The following WDR7 variants were observed in gnomAD, a reference collection of about 807,000 sequenced individuals.
The protein encoded by WDR7 is WD repeat domain 7.
Under a neutral mutation model 169.4 loss-of-function variants are expected in WDR7, and 46 were observed. The observed-to-expected ratio is 0.27, with a 90% CI of 0.21 to 0.35. The LOEUF (loss-of-function observed/expected upper bound fraction) is 0.35. Among genes scored for constraint, WDR7 ranks in the 10% least tolerant of loss-of-function variants. The pLI is 1.00. For missense variants in WDR7, 1,534 were observed against 1,859.3 expected (o/e 0.83, Z 3.22); for synonymous variants, 612 against 666.8 (o/e 0.92, Z 1.27).
chr18:56,787,128 T>G (rs2044413162), intron 19 of WDR7, among the ~76,000 whole-genome samples: 1 of 152,128 alleles, frequency 6.6e-6, no homozygotes, highest in African/African-American at 2.4e-5. Flanking sequence ...TTTTGAGAAT[T>G]GACTTTTTTA....
rs75038705 is a variant in WDR7 at position 57,014,332 on chromosome 18, C to A, written c.4165-6413C>A. On this transcript the variant is annotated intron_variant, in intron 26 of 27. Transcript: ENST00000254442. Reference sequence around the variant, plus strand: ...TAGGTGACAGAGTAAGACTCCATCTCAAAAAAAAAAAAAAGAAGAAAAGGA... The same window carrying A: ...TAGGTGACAGAGTAAGACTCCATCTAAAAAAAAAAAAAAAGAAGAAAAGGA... Among the ~76,000 whole-genome samples, 622 of 133,262 alleles carry A rather than the reference C, an allele frequency of 4.7e-3. 4 individuals are homozygous for A. The highest frequency in any genetic ancestry group is 0.016 in the African/African-American group (563 of 34,628). 87.4% of individuals were successfully genotyped at this position (133,262 alleles called of 152,430 possible). A position where few individuals can be genotyped will look rare whatever the true frequency, so the allele number is the denominator to read the frequency against.
In WDR7 at chr18:56,691,315, A is replaced by G; in HGVS notation, c.817A>G (p.Ile273Val). The G allele has an allele frequency of 1.9e-6, 3 of 1,602,748 alleles. No homozygotes were observed. The highest frequency in any genetic ancestry group is 1.3e-5 in the African/African-American group (1 of 74,264). The change falls in exon 8 of 28, where the codon ATT becomes GTT. Residue 273 changes from isoleucine (I) to valine (V), a missense_variant. Ile to Val is a conservative substitution (Grantham distance 29). Transcript: ENST00000254442. Reference protein sequence around the residue: ...GDFVSSDKVIIWTENGQSYIY... With the variant: ...GDFVSSDKVIVWTENGQSYIY... ...CTTTGTCTCATCAGATAAAGTCATC[A>G]TTTGGACAGAAAATGGGCAAAGTTA...
intron 12 of WDR7, among the ~76,000 whole-genome samples, chr18:56,704,380 A>C (rs201090628): frequency 4.0e-5 from 1 of 25,056 alleles, no homozygotes; most frequent in Non-Finnish European, 5.7e-4. Flanking sequence ...CTATCAAAAA[A>C]GAAAAAAAAA....
chr18:56,659,387 A>C (rs796371116), intron 1 of WDR7, among the ~76,000 whole-genome samples: 2 of 152,206 alleles, frequency 1.3e-5, no homozygotes, highest in African/African-American at 4.8e-5. Context: ...TTATTTATTC[A>C]AGTATTTGGA....
chr18:56,959,151 T>C (rs2047300185), intron 25 of WDR7, among the ~76,000 whole-genome samples: 1 of 152,002 alleles, frequency 6.6e-6, no homozygotes, highest in Admixed American at 6.6e-5. Context: ...GCAATGGCAG[T>C]TAACAGGCTG....
intron 19 of WDR7, among the ~76,000 whole-genome samples, chr18:56,793,909 G>A (rs1014391477): frequency 2.0e-5 from 3 of 152,058 alleles, no homozygotes; most frequent in Non-Finnish European, 4.4e-5. Flanking sequence ...CATCAAACAG[G>A]GACCATTTCA....
At chr18:56,699,109 A>T (rs1232798999) in intron 12 of WDR7, among the ~76,000 whole-genome samples, 2 of 152,236 alleles carry the variant, frequency 1.3e-5, no homozygotes, top group African/African-American at 4.8e-5. Context: ...CCTGATAAAG[A>T]CAAAGATACT....
At chr18:56,855,814 AAATT>A (rs1195909795) in intron 20 of WDR7, among the ~76,000 whole-genome samples, 3 of 152,188 alleles carry the variant, frequency 2.0e-5, no homozygotes, top group African/African-American at 7.2e-5. Context: ...TTTTGTAGAT[AAATT>A]AATTATTCAT....
intron 20 of WDR7, among the ~76,000 whole-genome samples, chr18:56,832,742 A>AG (rs2045334374): frequency 6.6e-6 from 1 of 152,200 alleles, no homozygotes; most frequent in African/African-American, 2.4e-5. Flanking sequence ...GACCTACAGA[A>AG]GAGGGGCCTG....
intron 21 of WDR7, among the ~76,000 whole-genome samples, chr18:56,917,163 CT>C (rs1404190025): frequency 1.3e-5 from 2 of 152,002 alleles, no homozygotes; most frequent in Admixed American, 6.5e-5. Flanking sequence ...TGCCGTTGCA[CT>C]CCAGCCTGGG....
At chr18:56,776,080 A>C (rs2044238776) in intron 16 of WDR7, among the ~76,000 whole-genome samples, 1 of 152,142 alleles carries the variant, frequency 6.6e-6, no homozygotes, top group Non-Finnish European at 1.5e-5. Context: ...TTTTCTTGGC[A>C]ACATAACTTT....
intron 12 of WDR7, among the ~76,000 whole-genome samples, chr18:56,700,252 CTTTTTTTTTTTTTT>C (rs1226348026): frequency 3.0e-5 from 2 of 67,238 alleles, no homozygotes; most frequent in South Asian, 1.3e-3. Context: ...TTTTCATTTT[CTTTTTTTTTTTTTT>C]TTTTTTTTTG....
intron 16 of WDR7, among the ~76,000 whole-genome samples, chr18:56,764,432 G>A (rs2044029541): frequency 6.6e-6 from 1 of 151,958 alleles, no homozygotes; most frequent in Non-Finnish European, 1.5e-5. Flanking sequence ...CAATAACATT[G>A]CGTACATTTA....
intron 20 of WDR7, among the ~76,000 whole-genome samples, chr18:56,868,286 A>C (rs1026324424): frequency 6.6e-6 from 1 of 152,188 alleles, no homozygotes; most frequent in Non-Finnish European, 1.5e-5. Flanking sequence ...AAAAAAATGA[A>C]TACTACAGAT....
intron 22 of WDR7, among the ~76,000 whole-genome samples, chr18:56,932,168 C>T (rs2046895603): frequency 6.6e-6 from 1 of 152,144 alleles, no homozygotes; most frequent in Non-Finnish European, 1.5e-5. Flanking sequence ...ATGCCATACC[C>T]TCCAGGTCAC....
intron 20 of WDR7, among the ~76,000 whole-genome samples, chr18:56,875,951 C>T (rs1003544392): frequency 2.0e-5 from 3 of 152,060 alleles, no homozygotes; most frequent in African/African-American, 7.2e-5. Context: ...CTTGTTTGAC[C>T]TCACAATTCA....
chr18:56,671,427 A>C (rs367635427), intron 1 of WDR7, among the ~76,000 whole-genome samples: 1 of 151,602 alleles, frequency 6.6e-6, no homozygotes, highest in African/African-American at 2.4e-5. Context: ...ACCTGCCACC[A>C]TGCCTGGCTA....
At chr18:56,971,069 C>T (rs573876756) in intron 26 of WDR7, among the ~76,000 whole-genome samples, 10 of 152,010 alleles carry the variant, frequency 6.6e-5, no homozygotes, top group Admixed American at 2.0e-4. Context: ...GTCAGGAGTT[C>T]GAGACCAGCC....
chr18:56,807,505 A>C (rs1334674591), intron 19 of WDR7, among the ~76,000 whole-genome samples: 1 of 152,172 alleles, frequency 6.6e-6, no homozygotes, highest in Non-Finnish European at 1.5e-5. Context: ...ATCAATTTTT[A>C]GATATTTTTG....
Sources: gnomAD v4.1 joint callset for allele counts (sites outside exome capture counted in the v4.1 genomes callset) on GRCh38, gnomAD v4.1.1 for gene constraint, MANE v1.5 for transcripts, NCBI Gene and HGNC (gene_info 2026-07-23, HGNC 2026-07-21) for gene names.